FER: variants seen among roughly 807,000 people sequenced by gnomAD.
FER encodes the protein FER tyrosine kinase.
In FER, 63 loss-of-function variants were observed where a neutral mutation model predicts 111.0. The observed-to-expected ratio is 0.57, with a 90% CI of 0.46 to 0.70. The LOEUF (loss-of-function observed/expected upper bound fraction) is 0.70, where lower values mean the gene tolerates loss of function less well. Among genes scored for constraint, FER ranks in the 30% least tolerant of loss-of-function variants. FER has a pLI of 0.00. For missense variants in FER, 914 were observed against 954.0 expected (o/e 0.96, Z 0.55); for synonymous variants, 327 against 313.9 (o/e 1.04, Z -0.44).
chr5:109,196,711 G>T lies in FER; in HGVS notation c.*9136G>T, dbSNP rs941809784. On this transcript the variant is annotated 3_prime_UTR_variant, in exon 20 of 20. Transcript: ENST00000281092. The stretch of plus-strand genomic sequence containing the variant: ...AATTGTTTCTACATTTTTAAAGCAT[G>T]ATTCATCATTTTTGTAAACTTAGAT... The T allele has an allele frequency of 3.0e-4, 45 of 152,068 alleles. No individual in the cohort carries two copies. Among genetic ancestry groups the T allele is most frequent in the African/African-American group, 8.7e-4 (36 of 41,402 alleles). The allele number at this position is 152,068 out of a possible 1,614,324, so 9.4% of individuals were successfully genotyped here.
intron 17 of FER, among the ~76,000 whole-genome samples, chr5:109,101,151 T>C (rs1437917741): frequency 6.6e-6 from 1 of 151,994 alleles, no homozygotes; most frequent in Admixed American, 6.6e-5. Context: ...GTAGCGGGAA[T>C]TGTTTTTTAG....
chr5:108,845,035 T>TATAC (rs1761836669), intron 5 of FER, among the ~76,000 whole-genome samples: 3 of 55,112 alleles, frequency 5.4e-5, no homozygotes, highest in East Asian at 6.0e-4. Context: ...TATATATATA[T>TATAC]ATATACATAT....
intron 5 of FER, among the ~76,000 whole-genome samples, chr5:108,843,160 A>G (rs1481235060): frequency 1.3e-5 from 2 of 152,206 alleles, no homozygotes; most frequent in South Asian, 2.1e-4. Context: ...CAGTGAGAAC[A>G]TAACTCAGGT....
rs779848308 is a variant in FER at position 108,946,175 on chromosome 5, A to T, written c.1282A>T (p.Ile428Phe). The change falls in exon 11 of 20, where the codon ATT becomes TTT. Residue 428 changes from isoleucine to phenylalanine, a missense_variant. Physicochemically the swap from Ile to Phe is conservative, Grantham distance 21. Around this residue, in one of 3 missense-constraint regions of FER, gnomAD observed 774 missense variants for 782.6 expected, o/e 0.99. Coordinates refer to ENST00000281092, the MANE Select transcript of FER (RefSeq NM_005246.4). ...LSKFESIRHS[I>F]AGIIRSPKSA... ...CAAATTTGAATCTATTCGTCATTCA[A>T]TTGCTGGAATAATTAGGTCTCCAAA... 1 of 1,612,432 alleles carries T rather than the reference A, an allele frequency of 6.2e-7. No homozygotes were observed. Among genetic ancestry groups the T allele is most frequent in the Non-Finnish European group, 8.5e-7 (1 of 1,178,974 alleles).
intron 17 of FER, among the ~76,000 whole-genome samples, chr5:109,106,556 TATA>T (rs1748958499): frequency 6.6e-6 from 1 of 152,192 alleles, no homozygotes; most frequent in African/African-American, 2.4e-5. Flanking sequence ...CCAATTTTGC[TATA>T]ATACAGAGAG....
chr5:109,098,816 G>A (rs1747854280), intron 16 of FER, among the ~76,000 whole-genome samples: 1 of 151,596 alleles, frequency 6.6e-6, no homozygotes, highest in Admixed American at 6.6e-5. Context: ...TTAAGTTTAT[G>A]TTTAAAGCAT....
chr5:108,751,703 G>C lies in FER; in HGVS notation c.-206+3703G>C, dbSNP rs559442332. Among the ~76,000 whole-genome samples, 16 of 152,226 alleles carry C rather than the reference G, an allele frequency of 1.1e-4. No homozygotes were observed. In the South Asian group the frequency reaches 1.7e-3, roughly 16 times the overall value. ...AAGGTGAACTTTTTTTAGTAGAACTGCTTCATGGAGACTGACGTAATTAGA... is the reference window on the plus strand; with the variant it reads ...AAGGTGAACTTTTTTTAGTAGAACTCCTTCATGGAGACTGACGTAATTAGA... On this transcript the variant is annotated intron_variant, in intron 1 of 19. Coordinates refer to ENST00000281092, the MANE Select transcript of FER (RefSeq NM_005246.4).
chr5:108,972,793 G>A (rs368908080), intron 13 of FER, among the ~76,000 whole-genome samples: 13 of 152,046 alleles, frequency 8.6e-5, no homozygotes, highest in African/African-American at 2.9e-4. Context: ...GGCTTTTAAC[G>A]ATTCCAGAGT....
At chr5:108,878,499 A>G (rs1240908233) in intron 8 of FER, among the ~76,000 whole-genome samples, 1 of 151,974 alleles carries the variant, frequency 6.6e-6, no homozygotes, top group Non-Finnish European at 1.5e-5. Flanking sequence ...TTTAACATGT[A>G]TTAAATCTTC....
intron 17 of FER, among the ~76,000 whole-genome samples, chr5:109,158,799 T>C (rs1365271580): frequency 1.3e-5 from 2 of 152,150 alleles, no homozygotes; most frequent in Non-Finnish European, 2.9e-5. Flanking sequence ...GGTTATACCT[T>C]CTACTTAGAA....
chr5:109,188,972 A>T lies in FER; in HGVS notation c.*1397A>T, dbSNP rs1759172685. The T allele has an allele frequency of 6.6e-6, 1 of 152,192 alleles. No individual in the cohort carries two copies. The highest frequency in any genetic ancestry group is 2.4e-5 in the African/African-American group (1 of 41,430). The allele number at this position is 152,192 out of a possible 1,614,324, so 9.4% of individuals were successfully genotyped here. ...ATGTGAATGAAGTAGACAGTCTAGA[A>T]GTCAGGTGAATATTAATGAGAAATA... On this transcript the variant is annotated 3_prime_UTR_variant, in exon 20 of 20. Transcript: ENST00000281092.
At chr5:108,995,136 T>C (rs921425298) in intron 13 of FER, among the ~76,000 whole-genome samples, 1 of 152,182 alleles carries the variant, frequency 6.6e-6, no homozygotes, top group African/African-American at 2.4e-5. Context: ...GGCCAGAACT[T>C]CTAATACTGT....
chr5:108,897,308 T>C (rs1295549178), intron 9 of FER, among the ~76,000 whole-genome samples: 2 of 152,198 alleles, frequency 1.3e-5, no homozygotes, highest in African/African-American at 4.8e-5. Context: ...TTAAAGTAAA[T>C]TTAAGATCCT....
chr5:108,884,938 C>T (rs1387737422), intron 9 of FER, among the ~76,000 whole-genome samples: 2 of 151,974 alleles, frequency 1.3e-5, no homozygotes, highest in African/African-American at 4.8e-5. Context: ...TTACTGACTT[C>T]ATTTATTTTC....
At chr5:109,030,218 A>G (rs1038687288) in intron 13 of FER, among the ~76,000 whole-genome samples, 2 of 151,736 alleles carry the variant, frequency 1.3e-5, no homozygotes, top group Non-Finnish European at 2.9e-5. Flanking sequence ...GTGTTTTCAT[A>G]TTTTTCAAGG....
At chr5:109,049,181 C>A (rs2149918212) in intron 16 of FER, among the ~76,000 whole-genome samples, 1 of 152,170 alleles carries the variant, frequency 6.6e-6, no homozygotes, top group East Asian at 1.9e-4. Flanking sequence ...TTATCACAAC[C>A]TGAGGGCTTA....
chr5:109,050,672 T>C (rs1265394261), intron 16 of FER, among the ~76,000 whole-genome samples: 4 of 152,212 alleles, frequency 2.6e-5, no homozygotes, highest in Non-Finnish European at 4.4e-5. Context: ...ATATGTATAA[T>C]GCTGAGATTT....
At chr5:109,164,700 A>G (rs1284278747) in intron 17 of FER, among the ~76,000 whole-genome samples, 1 of 152,046 alleles carries the variant, frequency 6.6e-6, no homozygotes, top group Non-Finnish European at 1.5e-5. Context: ...CTTTTCCTCA[A>G]ATTTCATTTC....
Position 109,187,884 on chromosome 5 carries a change from C to G in FER, c.*309C>G. The G allele has an allele frequency of 3.1e-6, 1 of 321,410 alleles. No homozygotes were observed. The highest frequency in any genetic ancestry group is 5.8e-6 in the Non-Finnish European group (1 of 173,844). The allele number at this position is 321,410 out of a possible 1,614,324, so 19.9% of individuals were successfully genotyped here. On this transcript the variant is annotated 3_prime_UTR_variant, in exon 20 of 20. Coordinates refer to ENST00000281092, the MANE Select transcript of FER (RefSeq NM_005246.4). ...GATAAAAGATCTATCCTATCCTTTT[C>G]ACACCTTGTTTCTACTTCAGGCACA...
Sources: gnomAD v4.1 joint callset for allele counts (sites outside exome capture counted in the v4.1 genomes callset) on GRCh38, gnomAD v4.1.1 for gene constraint, gnomAD v4.1.1 regional missense constraint, MANE v1.5 for transcripts, NCBI Gene and HGNC (gene_info 2026-07-23, HGNC 2026-07-21) for gene names.